The following MLC1 variants were observed in gnomAD, a reference collection of about 807,000 sequenced individuals.
MLC1 encodes modulator of VRAC current 1, also known as membrane protein MLC1.
MLC1 carries 32 observed loss-of-function variants against 44.7 expected under a neutral mutation model. That is an observed-to-expected ratio of 0.72 (90% CI 0.54 to 0.96). MLC1 has a LOEUF of 0.96. MLC1 is among the 40% of genes least tolerant of loss of function. MLC1 has a pLI of 0.00. For synonymous variants in MLC1, 190 were observed against 213.0 expected (o/e 0.89, Z 0.94); for missense variants, 459 against 492.2 (o/e 0.93, Z 0.64).
At chr22:50,073,633 T>C (rs1368669068) in intron 8 of MLC1, among the ~76,000 whole-genome samples, 1 of 152,102 alleles carries the variant, frequency 6.6e-6, no homozygotes, top group Non-Finnish European at 1.5e-5. Flanking sequence ...CTTGGGAGGC[T>C]GAGGTGGGCA....
chr22:50,068,151 C>G (rs2146808943), intron 10 of MLC1, among the ~76,000 whole-genome samples: 1 of 152,314 alleles, frequency 6.6e-6, no homozygotes, highest in Middle Eastern at 3.4e-3. Flanking sequence ...GTCTCATAAA[C>G]CCAGGACAGA....
Position 50,079,907 on chromosome 22 carries a change from T to G in MLC1, c.423+11A>C. ...GTGTCAGGCGTCTGCGCGAAGCTCGTGTGAACTCACGTTTATTGCTGATGG... is the reference window on the plus strand; with the variant it reads ...GTGTCAGGCGTCTGCGCGAAGCTCGGGTGAACTCACGTTTATTGCTGATGG... On this transcript the variant is annotated intron_variant, in intron 5 of 11. Coordinates refer to ENST00000311597, the MANE Select transcript of MLC1 (RefSeq NM_015166.4). 6.3e-7 allele frequency: 1 copy of G among 1,596,976 alleles called. No homozygotes were observed. Among genetic ancestry groups the G allele is most frequent in the Non-Finnish European group, 8.6e-7 (1 of 1,164,376 alleles).
Position 50,061,034 on chromosome 22 carries a change from C to T in MLC1, c.*549G>A, listed in dbSNP as rs538718275. 3.0e-4 allele frequency: 50 copies of T among 169,116 alleles called. No homozygotes were observed. Among genetic ancestry groups the T allele is most frequent in the Non-Finnish European group, 6.1e-4 (47 of 76,678 alleles). The allele number at this position is 169,116 out of a possible 1,614,324, so 10.5% of individuals were successfully genotyped here. On this transcript the variant is annotated 3_prime_UTR_variant, in exon 12 of 12. Coordinates refer to ENST00000311597, the MANE Select transcript of MLC1 (RefSeq NM_015166.4). ...CCGGGCCAGGACAGAGGCGCCCAGC[C>T]CTGCTCTCACTGTCCAGGAAGAGCC...
At chr22:50,071,420 T>A (rs2061848880) in intron 8 of MLC1, among the ~76,000 whole-genome samples, 1 of 152,196 alleles carries the variant, frequency 6.6e-6, no homozygotes, top group Non-Finnish European at 1.5e-5. Context: ...GAGCTGTTTG[T>A]TTGTTTGCTC....
Position 50,061,554 on chromosome 22 carries a change from C to A in MLC1, c.*29G>T, listed in dbSNP as rs370011599. 15 of 1,607,078 alleles carry A rather than the reference C, an allele frequency of 9.3e-6. 1 individual carries two copies. In the Admixed American group the frequency reaches 1.2e-4, roughly 12 times the overall value. ...TTTCCATGCTTGGGGCCAGGCTGGG[C>A]GCTGCCACCCGGTTTCCGCGTCTGG... On this transcript the variant is annotated 3_prime_UTR_variant, in exon 12 of 12. Transcript: ENST00000311597.
intron 6 of MLC1, 114 bp from the exon 7 acceptor site, chr22:50,077,026 G>T: frequency 9.4e-7 from 1 of 1,068,688 alleles, no homozygotes; most frequent in Non-Finnish European, 1.5e-6. Flanking sequence ...GTAGATGCGA[G>T]ACCGCCTTGG....
intron 8 of MLC1, among the ~76,000 whole-genome samples, chr22:50,073,713 G>A (rs747576707): frequency 1.3e-5 from 2 of 152,152 alleles, no homozygotes; most frequent in Non-Finnish European, 2.9e-5. Context: ...TCCAGCCTGG[G>A]TGGCAGAGTG....
In MLC1 at chr22:50,083,234, C is replaced by A; in HGVS notation, c.178-61G>T. 3.5e-6 allele frequency: 5 copies of A among 1,437,108 alleles called. No individual in the cohort carries two copies. The highest frequency in any genetic ancestry group is 4.9e-6 in the Non-Finnish European group (5 of 1,021,394). 89.0% of individuals were successfully genotyped at this position (1,437,108 alleles called of 1,614,324 possible). ...GCCCCGTCCCCAGGCTGGACCCTGA[C>A]CCTTCAACTTCTGCTTCACTGTCTG... On this transcript the variant is annotated intron_variant, in intron 2 of 11. Transcript: ENST00000311597. This position sits in a 1 kb window ranked among gnomAD's most constrained non-coding sequence, Gnocchi z 4.6.
intron 9 of MLC1, among the ~76,000 whole-genome samples, chr22:50,069,864 A>G (rs1240955526): frequency 6.6e-6 from 1 of 152,114 alleles, no homozygotes; most frequent in Non-Finnish European, 1.5e-5. Context: ...ACATTTTGGC[A>G]GCAGTCATTA....
intron 3 of MLC1, 65 bp from the exon 4 acceptor site, chr22:50,080,462 C>CT: frequency 6.8e-7 from 1 of 1,477,824 alleles, no homozygotes; most frequent in Non-Finnish European, 9.3e-7. Flanking sequence ...CTGAAATACT[C>CT]TAACATTTGC....
At chr22:50,085,215 A>G (rs1239138286) in intron 1 of MLC1, 140 bp downstream of exon 1, 4 of 1,255,928 alleles carry the variant, frequency 3.2e-6, no homozygotes, top group Non-Finnish European at 4.0e-6. Flanking sequence ...CAGGTGCAAC[A>G]CCTGACAACA....
At chr22:50,071,660 C>T (rs757345766) in intron 8 of MLC1, among the ~76,000 whole-genome samples, 98 of 152,310 alleles carry the variant, frequency 6.4e-4, no homozygotes, top group Non-Finnish European at 1.0e-3. Flanking sequence ...TTCCTGATGA[C>T]GCTGACTTGA....
intron 2 of MLC1, 139 bp downstream of exon 2, chr22:50,084,586 GC>G: frequency 1.1e-6 from 1 of 928,952 alleles, no homozygotes; most frequent in South Asian, 1.3e-5. Flanking sequence ...AAGCTCGTCG[GC>G]ATCCAAGAGT....
Position 50,084,867 on chromosome 22 carries a change from A to G in MLC1, c.36T>C (p.Tyr12=). ...CCCGCTCCAGCGTGGGCATCCGGTCATAGGCCAGCTCCTCTCTGAATGGCT... is the reference window on the plus strand; with the variant it reads ...CCCGCTCCAGCGTGGGCATCCGGTCGTAGGCCAGCTCCTCTCTGAATGGCT... ...TQEPFREELA[Y]DRMPTLERGR... Residue 12 remains tyrosine, a synonymous_variant, in exon 2 of 12, where the codon TAT becomes TAC. Transcript: ENST00000311597. The G allele has an allele frequency of 6.2e-7, 1 of 1,613,290 alleles. No homozygotes were observed. The highest frequency in any genetic ancestry group is 8.5e-7 in the Non-Finnish European group (1 of 1,180,036).
At chr22:50,066,026 AATT>A (rs1160025651) in intron 10 of MLC1, among the ~76,000 whole-genome samples, 1 of 152,162 alleles carries the variant, frequency 6.6e-6, no homozygotes, top group Non-Finnish European at 1.5e-5. Context: ...CACCAGGATA[AATT>A]ATTAAGTTTA....
rs2062212952 is a variant in MLC1 at position 50,083,892 on chromosome 22, A to G, written c.178-719T>C. Among the ~76,000 whole-genome samples the G allele has an allele frequency of 6.6e-6, 1 of 151,698 alleles. No individual in the cohort carries two copies. Among genetic ancestry groups the G allele is most frequent in the Non-Finnish European group, 1.5e-5 (1 of 67,940 alleles). On this transcript the variant is annotated intron_variant, in intron 2 of 11. Coordinates refer to ENST00000311597, the MANE Select transcript of MLC1 (RefSeq NM_015166.4). This position sits in a 1 kb window ranked among gnomAD's most constrained non-coding sequence, Gnocchi z 4.6. Reference sequence around the variant, plus strand: ...CCAAGTCCAGGGCACCAGGTGGAGGAGGGCAGAGCCCGGAGATGGCCACCA... The same window carrying G: ...CCAAGTCCAGGGCACCAGGTGGAGGGGGGCAGAGCCCGGAGATGGCCACCA...
At chr22:50,074,762 G>A (rs145824578) in intron 7 of MLC1, 289 of 241,568 alleles carry the variant, frequency 1.2e-3, no homozygotes, top group Non-Finnish European at 2.1e-3. Flanking sequence ...ACACCCACCC[G>A]TGCCATGTGG....
At chr22:50,062,582 G>C (rs2061595007) in intron 11 of MLC1, among the ~76,000 whole-genome samples, 1 of 152,288 alleles carries the variant, frequency 6.6e-6, no homozygotes, top group Non-Finnish European at 1.5e-5. Context: ...CGAGCCAAGG[G>C]CAAGAGAGCG....
chr22:50,075,603 G>C (rs1314508197), intron 7 of MLC1, among the ~76,000 whole-genome samples: 1 of 151,888 alleles, frequency 6.6e-6, no homozygotes, highest in Non-Finnish European at 1.5e-5. Flanking sequence ...CCAGCTACTC[G>C]GGAGGCTGAG....
Sources: gnomAD v4.1 joint callset for allele counts (sites outside exome capture counted in the v4.1 genomes callset) on GRCh38, gnomAD v4.1.1 for gene constraint, Gnocchi (gnomAD v3.1) non-coding constraint, MANE v1.5 for transcripts, NCBI Gene and HGNC (gene_info 2026-07-23, HGNC 2026-07-21) for gene names.